Variants in MTAP observed in about 807,000 individuals in gnomAD.
The protein encoded by MTAP is methylthioadenosine phosphorylase.
In MTAP, 33 loss-of-function variants were observed where a neutral mutation model predicts 33.6. The ratio of observed to expected loss-of-function variants is 0.98; its 90% CI spans 0.74 to 1.31. MTAP has a LOEUF of 1.31. MTAP is among the 40% of genes most tolerant of loss of function. The probability of loss-of-function intolerance (pLI) is 0.00; values close to 1 mark genes in which losing one functional copy is unlikely to be tolerated. For synonymous variants in MTAP, 148 were observed against 125.7 expected, an observed-to-expected ratio of 1.18 and a Z score of -1.19; for missense variants, 367 against 360.0, an observed-to-expected ratio of 1.02 and a Z score of -0.16.
chr9:21,880,006 G>A (rs1014997679), intron 1 of MTAP, among the ~76,000 whole-genome samples: 1 of 152,080 alleles, frequency 6.6e-6, no homozygotes, highest in Non-Finnish European at 1.5e-5. Flanking sequence ...TAAGGATTAT[G>A]TGTCTTCACG....
chr9:21,808,958 A>G (rs1395061257), intron 1 of MTAP: 1 of 152,180 alleles, frequency 6.6e-6, no homozygotes, highest in African/African-American at 2.4e-5. Context: ...GAAGAAATCA[A>G]TCCCAATCTC....
intron 5 of MTAP, among the ~76,000 whole-genome samples, chr9:21,846,839 C>T (rs1825397247): frequency 6.6e-6 from 1 of 152,142 alleles, no homozygotes; most frequent in South Asian, 2.1e-4. Context: ...CCTAAATGCC[C>T]GTTGACCAAT....
chr9:21,914,957 C>G (rs890890915), intron 1 of MTAP, among the ~76,000 whole-genome samples: 7 of 151,338 alleles, frequency 4.6e-5, no homozygotes, highest in African/African-American at 1.7e-4. Flanking sequence ...ATAACGTTCT[C>G]AAGGTACATC....
Position 21,863,158 on chromosome 9 carries a change from A to G in MTAP, c.*1144A>G. The G allele has an allele frequency of 1.0e-6, 1 of 967,534 alleles. No individual in the cohort carries two copies. The allele number at this position is 967,534 out of a possible 1,614,324, so 59.9% of individuals were successfully genotyped here. A position where few individuals can be genotyped will look rare whatever the true frequency, so the allele number is the denominator to read the frequency against. On this transcript the variant is annotated 3_prime_UTR_variant, in exon 8 of 8. Transcript: ENST00000644715. ...AACTGAAAGTTTAACTATTTAAAAG[A>G]CTAAATGCACATTTTATGGTATCTG...
intron 3 of MTAP, among the ~76,000 whole-genome samples, chr9:21,817,069 TATAAAG>T (rs1297774772): frequency 6.6e-6 from 1 of 152,152 alleles, no homozygotes; most frequent in Non-Finnish European, 1.5e-5. Flanking sequence ...TCCCCCTTCT[TATAAAG>T]ATAAAGAAAA....
At chr9:21,820,860 C>A (rs1170655365) in intron 4 of MTAP, among the ~76,000 whole-genome samples, 1 of 152,110 alleles carries the variant, frequency 6.6e-6, no homozygotes, top group Non-Finnish European at 1.5e-5. Context: ...AAGTTGGATT[C>A]CTAGGTATTT....
At position 21,865,427 on chromosome 9, in the gene MTAP, A is replaced by G. The variant is rs1440658319; in HGVS notation, c.*3413A>G. The stretch of plus-strand genomic sequence containing the variant: ...ATGGGCAGTCCTTTACAGCAGCATG[A>G]GAATGGACTAATACACTCCTCAAAT... On this transcript the variant is annotated 3_prime_UTR_variant, in exon 8 of 8. Transcript: ENST00000644715. 2 of 983,990 alleles carry G rather than the reference A, an allele frequency of 2.0e-6. No homozygotes were observed. The highest frequency in any genetic ancestry group is 2.3e-4 in the East Asian group (2 of 8,826). 61.0% of individuals were successfully genotyped at this position (983,990 alleles called of 1,614,324 possible).
At chr9:21,844,822 C>CAGG (rs1453609597) in intron 5 of MTAP, among the ~76,000 whole-genome samples, 5 of 152,204 alleles carry the variant, frequency 3.3e-5, no homozygotes, top group Non-Finnish European at 5.9e-5. Context: ...ATCACAAGGT[C>CAGG]AGATCGAGAC....
At chr9:21,918,841 A>T (rs182665074) in intron 1 of MTAP, among the ~76,000 whole-genome samples, 26 of 150,314 alleles carry the variant, frequency 1.7e-4, no homozygotes, top group African/African-American at 6.6e-4. Flanking sequence ...CTCTTCAACC[A>T]TGTGAACTGT....
rs760860319 is a variant in MTAP, at chr9:21,826,927, A to G, written c.347+8725A>G. Among the ~76,000 whole-genome samples, 20 of 152,224 alleles carry G rather than the reference A, an allele frequency of 1.3e-4. 1 individual carries two copies. The highest frequency in any genetic ancestry group is 2.5e-4 in the Non-Finnish European group (17 of 68,018). Reference sequence around the variant, plus strand: ...AGAGTCTCATAGGAGCAGGAACCCAATTGTGAACTGCACGTGGAAGGGATC... The same window carrying G: ...AGAGTCTCATAGGAGCAGGAACCCAGTTGTGAACTGCACGTGGAAGGGATC... On this transcript the variant is annotated intron_variant, in intron 4 of 7. Transcript: ENST00000644715.
exon 8 of MTAP, chr9:21,936,643 T>C (rs554511158): frequency 1.2e-3 from 184 of 152,346 alleles, no homozygotes; most frequent in African/African-American, 3.9e-3. Flanking sequence ...AAGAATATAC[T>C]TCTATAGAAA....
At chr9:21,930,999 C>A (rs766485778) in intron 1 of MTAP, 1 of 759,276 alleles carries the variant, frequency 1.3e-6, no homozygotes. Flanking sequence ...TCCTTTCTCT[C>A]ACCTTTAGAT....
Position 21,863,694 on chromosome 9 carries a change from G to A in MTAP, c.*1680G>A. 4.1e-6 allele frequency: 4 copies of A among 985,540 alleles called. No individual in the cohort carries two copies. Among genetic ancestry groups the A allele is most frequent in the Non-Finnish European group, 4.8e-6 (4 of 829,892 alleles). 61.0% of individuals were successfully genotyped at this position (985,540 alleles called of 1,614,324 possible). ...TATCATGGGGAGATCTTTTTCCTCA[G>A]AATTGTTTTCTTTTCACTGTAGGCT... is the stretch of plus-strand genomic sequence containing the variant. On this transcript the variant is annotated 3_prime_UTR_variant, in exon 8 of 8. Transcript: ENST00000644715.
Position 21,864,898 on chromosome 9 carries a change from T to C in MTAP, c.*2884T>C. Reference sequence around the variant, plus strand: ...GGTTGTGGCCCCACCAACACCTATTTTCCAAATAATTATTCATTCTTGTGA... The same window carrying C: ...GGTTGTGGCCCCACCAACACCTATTCTCCAAATAATTATTCATTCTTGTGA... On this transcript the variant is annotated 3_prime_UTR_variant, in exon 8 of 8. Transcript: ENST00000644715. 1.0e-6 allele frequency: 1 copy of C among 985,500 alleles called. No individual in the cohort carries two copies. Among genetic ancestry groups the C allele is most frequent in the Non-Finnish European group, 1.2e-6 (1 of 829,950 alleles). 61.0% of individuals were successfully genotyped at this position (985,500 alleles called of 1,614,324 possible). A position where few individuals can be genotyped will look rare whatever the true frequency, so the allele number is the denominator to read the frequency against.
intron 3 of MTAP, among the ~76,000 whole-genome samples, chr9:21,817,587 G>A (rs901136587): frequency 6.6e-6 from 1 of 152,010 alleles, no homozygotes; most frequent in Non-Finnish European, 1.5e-5. Context: ...ACTGCAGCTT[G>A]CTTCTTGCTA....
In MTAP at chr9:21,863,044, T is replaced by C. The variant is rs112211340; in HGVS notation, c.*1030T>C. 51 of 985,448 alleles carry C rather than the reference T, an allele frequency of 5.2e-5. 1 individual carries two copies. In the African/African-American group the frequency reaches 7.1e-4, roughly 14 times the overall value. The allele number at this position is 985,448 out of a possible 1,614,324, so 61.0% of individuals were successfully genotyped here. A position where few individuals can be genotyped will look rare whatever the true frequency, so the allele number is the denominator to read the frequency against. Reference sequence around the variant, plus strand: ...TAAGGGAGTTACATCTTTATTCTGCTAAAGAAGAGGATCATTGATTTCTGT... The same window carrying C: ...TAAGGGAGTTACATCTTTATTCTGCCAAAGAAGAGGATCATTGATTTCTGT... On this transcript the variant is annotated 3_prime_UTR_variant, in exon 8 of 8. Transcript: ENST00000644715.
chr9:21,885,466 G>T (rs1247601614), intron 1 of MTAP, among the ~76,000 whole-genome samples: 4 of 152,034 alleles, frequency 2.6e-5, no homozygotes, highest in Non-Finnish European at 5.9e-5. Flanking sequence ...GGGAACAGGT[G>T]TTGTTACCTG....
chr9:21,820,049 G>T (rs1223500778), intron 4 of MTAP, among the ~76,000 whole-genome samples: 2 of 152,180 alleles, frequency 1.3e-5, no homozygotes, highest in Non-Finnish European at 2.9e-5. Context: ...TTAGCCCTTA[G>T]TCAGATGCGT....
At position 21,865,886 on chromosome 9, in the gene MTAP, A is replaced by G. The variant is rs1825845903; in HGVS notation, c.*3872A>G. ...TATTCTGTCATATGCCTATCTTACA[A>G]TTTGATTATCTATTCACCTGTTGAT... On this transcript the variant is annotated 3_prime_UTR_variant, in exon 8 of 8. Transcript: ENST00000644715. The G allele has an allele frequency of 2.8e-6, 2 of 722,328 alleles. No homozygotes were observed. The highest frequency in any genetic ancestry group is 3.9e-5 in the African/African-American group (2 of 51,886). 44.7% of individuals were successfully genotyped at this position (722,328 alleles called of 1,614,324 possible). A position where few individuals can be genotyped will look rare whatever the true frequency, so the allele number is the denominator to read the frequency against.
Sources: gnomAD v4.1 joint callset for allele counts (sites outside exome capture counted in the v4.1 genomes callset) on GRCh38, gnomAD v4.1.1 for gene constraint, MANE v1.5 for transcripts, NCBI Gene and HGNC (gene_info 2026-07-23, HGNC 2026-07-21) for gene names.